CA5A: variants seen among roughly 807,000 people sequenced by gnomAD.
The protein encoded by CA5A is carbonic anhydrase 5A.
A neutral mutation model predicts 37.1 loss-of-function variants in CA5A; 28 were observed. The observed-to-expected ratio is 0.75, with a 90% confidence interval of 0.56 to 1.03. CA5A has a LOEUF of 1.03. Ranked by LOEUF, CA5A falls within the 50% of genes least tolerant of loss-of-function variation. The pLI, the probability that CA5A is intolerant of heterozygous loss-of-function variation, is 0.00. For missense variants in CA5A, 444 were observed against 399.9 expected, an observed-to-expected ratio of 1.11 and a Z score of -0.94; for synonymous variants, 171 against 158.4, an observed-to-expected ratio of 1.08 and a Z score of -0.60.
intron 2 of CA5A, among the ~76,000 whole-genome samples, chr16:87,907,858 G>T (rs368063736): frequency 6.6e-6 from 1 of 152,148 alleles, no homozygotes; most frequent in African/African-American, 2.4e-5. Flanking sequence ...CTTGGCAGGC[G>T]GAGGTTGCAG....
At position 87,911,446 on chromosome 16, in the gene CA5A, A is replaced by G. The variant is rs151247822; in HGVS notation, c.341-6542T>C. Among the ~76,000 whole-genome samples, 788 of 152,340 alleles carry G rather than the reference A, an allele frequency of 5.2e-3. 4 individuals carry two copies. Among genetic ancestry groups the G allele is most frequent in the African/African-American group, 0.018 (747 of 41,584 alleles). ...GTTCGGGGCTTTTACCAAGATGAGC[A>G]GGCTTTTGGCAGGCACGGGTTGTTT... On this transcript the variant is annotated intron_variant, in intron 2 of 6. Transcript: ENST00000649794. The surrounding 1 kb of genome is among the most constrained non-coding windows in gnomAD (Gnocchi z 4.6).
At chr16:87,920,654 G>A (rs1209193283) in intron 2 of CA5A, among the ~76,000 whole-genome samples, 1 of 151,688 alleles carries the variant, frequency 6.6e-6, no homozygotes, top group Non-Finnish European at 1.5e-5. Flanking sequence ...ATCTCACTTT[G>A]TTGCCCAGGC....
At chr16:87,928,962 G>C (rs1417057682) in intron 1 of CA5A, among the ~76,000 whole-genome samples, 8 of 148,538 alleles carry the variant, frequency 5.4e-5, no homozygotes. Context: ...ATAGAGACGG[G>C]GTTTCACTGT....
chr16:87,902,543 C>G (rs1260272517), intron 3 of CA5A, 23 bp from the exon 4 acceptor site: 2 of 1,227,886 alleles, frequency 1.6e-6, no homozygotes, highest in African/African-American at 3.0e-5. Context: ...GGAAAGAGAA[C>G]TTAAATTGAT....
At chr16:87,890,951 C>T (rs1396161157) in intron 6 of CA5A, among the ~76,000 whole-genome samples, 3 of 151,702 alleles carry the variant, frequency 2.0e-5, no homozygotes, top group African/African-American at 2.4e-5. Context: ...TGCACCACCA[C>T]GCCTGGCTAA....
chr16:87,898,386 G>T (rs575692928), intron 5 of CA5A, among the ~76,000 whole-genome samples: 1 of 152,296 alleles, frequency 6.6e-6, no homozygotes, highest in African/African-American at 2.4e-5. Flanking sequence ...GCCCTGTCCT[G>T]CCCTGCACTG....
chr16:87,919,283 T>G (rs1203689561), intron 2 of CA5A, among the ~76,000 whole-genome samples: 1 of 152,202 alleles, frequency 6.6e-6, no homozygotes, highest in East Asian at 1.9e-4. Flanking sequence ...CGCCCCATCC[T>G]TACTCTGGGA....
At chr16:87,926,569 C>G (rs553779063) in intron 2 of CA5A, among the ~76,000 whole-genome samples, 179 bp downstream of exon 2, 199 of 152,356 alleles carry the variant, frequency 1.3e-3, no homozygotes, top group African/African-American at 4.4e-3. Flanking sequence ...CCTGTCCCCT[C>G]GAGAACCTTC....
At chr16:87,905,592 C>T (rs1029280727) in intron 2 of CA5A, among the ~76,000 whole-genome samples, 15 of 152,190 alleles carry the variant, frequency 9.9e-5, no homozygotes, top group African/African-American at 3.6e-4. Flanking sequence ...CTCCTGATCT[C>T]AGGTGATCCA....
intron 2 of CA5A, among the ~76,000 whole-genome samples, chr16:87,907,928 A>G (rs930062855): frequency 6.6e-6 from 1 of 152,212 alleles, no homozygotes; most frequent in African/African-American, 2.4e-5. Flanking sequence ...CTCCGTCTCA[A>G]AAACAAACAA....
chr16:87,888,063 G>A lies in CA5A; in HGVS notation c.*66C>T. 1.3e-6 allele frequency: 2 copies of A among 1,522,102 alleles called. No homozygotes were observed. Among genetic ancestry groups the A allele is most frequent in the Non-Finnish European group, 1.8e-6 (2 of 1,131,518 alleles). The allele number at this position is 1,522,102 out of a possible 1,614,324, so 94.3% of individuals were successfully genotyped here. A position where few individuals can be genotyped will look rare whatever the true frequency, so the allele number is the denominator to read the frequency against. Reference sequence around the variant, plus strand: ...CAGAAGTCATGTACAATCACATTGTGAAACTTGGGAAACAACGCTTCCTTC... The same window carrying A: ...CAGAAGTCATGTACAATCACATTGTAAAACTTGGGAAACAACGCTTCCTTC... On this transcript the variant is annotated 3_prime_UTR_variant, in exon 7 of 7. Coordinates refer to ENST00000649794, the MANE Select transcript of CA5A (RefSeq NM_001739.2).
intron 6 of CA5A, among the ~76,000 whole-genome samples, chr16:87,889,959 A>G (rs117987151): frequency 0.024 from 3,596 of 152,190 alleles, 40 homozygotes; most frequent in African/African-American, 0.035. Flanking sequence ...CGCCCCCTAG[A>G]GTTGCGCGCA....
downstream of CA5A, chr16:87,884,540 C>T (rs1392396861): frequency 6.8e-6 from 1 of 147,310 alleles, no homozygotes; most frequent in African/African-American, 2.6e-5. Context: ...GCACTCCAGC[C>T]TAGGCGACAA....
chr16:87,911,874 C>G lies in CA5A; in HGVS notation c.341-6970G>C, dbSNP rs2056057237. Among the ~76,000 whole-genome samples the G allele has an allele frequency of 6.6e-6, 1 of 152,206 alleles. No homozygotes were observed. The highest frequency in any genetic ancestry group is 1.5e-5 in the Non-Finnish European group (1 of 68,042). ...TATAAAAGGATAATGATGCCTACTT[C>G]AGGGGCCCATGGCAAGGATTGAGTA... is the stretch of plus-strand genomic sequence containing the variant. On this transcript the variant is annotated intron_variant, in intron 2 of 6. Transcript: ENST00000649794. The surrounding 1 kb of genome is among the most constrained non-coding windows in gnomAD (Gnocchi z 4.6).
chr16:87,890,955 T>C (rs1410994913), intron 6 of CA5A, among the ~76,000 whole-genome samples: 1 of 151,906 alleles, frequency 6.6e-6, no homozygotes, highest in Non-Finnish European at 1.5e-5. Context: ...CCACCACGCC[T>C]GGCTAATTTT....
At chr16:87,895,544 T>G (rs1370718787) in intron 5 of CA5A, among the ~76,000 whole-genome samples, 1 of 151,814 alleles carries the variant, frequency 6.6e-6, no homozygotes, top group African/African-American at 2.4e-5. Context: ...AAACTCCATC[T>G]CAAAAAGAAA....
At chr16:87,914,284 C>G (rs2056097301) in intron 2 of CA5A, among the ~76,000 whole-genome samples, 1 of 152,222 alleles carries the variant, frequency 6.6e-6, no homozygotes. Flanking sequence ...GGGTTGCTGG[C>G]TGGTCCTGAG....
chr16:87,932,151 C>T (rs1422294046), intron 1 of CA5A, among the ~76,000 whole-genome samples: 2 of 152,144 alleles, frequency 1.3e-5, no homozygotes, highest in African/African-American at 4.8e-5. Context: ...TCACAAATCT[C>T]CCTTGCATCC....
chr16:87,910,653 C>A (rs56396314), intron 2 of CA5A, among the ~76,000 whole-genome samples: 1 of 152,166 alleles, frequency 6.6e-6, no homozygotes, highest in Non-Finnish European at 1.5e-5. Flanking sequence ...TCTCGGCTCA[C>A]TTCAACCTCT....
Sources: gnomAD v4.1 joint callset for allele counts (sites outside exome capture counted in the v4.1 genomes callset) on GRCh38, gnomAD v4.1.1 for gene constraint, Gnocchi (gnomAD v3.1) non-coding constraint, MANE v1.5 for transcripts, NCBI Gene and HGNC (gene_info 2026-07-23, HGNC 2026-07-21) for gene names.